The following CDH6 variants were observed in gnomAD, a reference collection of about 807,000 sequenced individuals.
The protein encoded by CDH6 is cadherin 6, also known as cadherin-6.
CDH6 carries 31 observed loss-of-function variants against 78.0 expected under a neutral mutation model. The ratio of observed to expected loss-of-function variants is 0.40; its 90% CI spans 0.30 to 0.54. CDH6 has a LOEUF of 0.54. Ranked by LOEUF, CDH6 falls within the 20% of genes least tolerant of loss-of-function variation. CDH6 has a pLI of 0.56. For synonymous variants in CDH6, 376 were observed against 368.8 expected (o/e 1.02, Z -0.23); for missense variants, 724 against 975.9 (o/e 0.74, Z 3.44).
intron 1 of CDH6, among the ~76,000 whole-genome samples, chr5:31,239,563 A>AT (rs1482477925): frequency 1.3e-5 from 2 of 152,372 alleles, no homozygotes; most frequent in African/African-American, 4.8e-5. Context: ...AGCATATGGA[A>AT]GTACCTATTT....
intron 1 of CDH6, among the ~76,000 whole-genome samples, chr5:31,213,140 T>C (rs1001268942): frequency 6.6e-6 from 1 of 152,138 alleles, no homozygotes; most frequent in Admixed American, 6.5e-5. Flanking sequence ...TCTGAAAACA[T>C]AGATGCAAGC....
At chr5:31,277,710 C>A (rs1368020496) in intron 2 of CDH6, among the ~76,000 whole-genome samples, 1 of 152,184 alleles carries the variant, frequency 6.6e-6, no homozygotes, top group Non-Finnish European at 1.5e-5. Context: ...CTGCAAGACC[C>A]TAGCCTACAT....
chr5:31,311,829 T>G (rs2149956960), intron 7 of CDH6, among the ~76,000 whole-genome samples: 1 of 152,280 alleles, frequency 6.6e-6, no homozygotes, highest in East Asian at 1.9e-4. Flanking sequence ...CGCCCCTCCT[T>G]TGACACATGG....
intron 2 of CDH6, among the ~76,000 whole-genome samples, chr5:31,293,021 G>A (rs1737454143): frequency 6.6e-6 from 1 of 151,768 alleles, no homozygotes; most frequent in Non-Finnish European, 1.5e-5. Context: ...TCTGGGAAAG[G>A]AAACATGGAC....
At position 31,313,308 on chromosome 5, in the gene CDH6, G is replaced by A; in HGVS notation, c.1254-10G>A. ...GAAAAGCCTTTCTTAATTCCACTCT[G>A]CATTTTCAGGTACTCTGTAGATCGA... On this transcript the variant is annotated splice_polypyrimidine_tract_variant and intron_variant, in intron 7 of 11. Transcript: ENST00000265071. The A allele has an allele frequency of 1.2e-6, 2 of 1,606,496 alleles. No homozygotes were observed. The highest frequency in any genetic ancestry group is 2.2e-5 in the East Asian group (1 of 44,748).
chr5:31,211,928 C>T (rs1579818361), intron 1 of CDH6, among the ~76,000 whole-genome samples: 1 of 152,046 alleles, frequency 6.6e-6, no homozygotes, highest in Non-Finnish European at 1.5e-5. Context: ...AATTAAGGAA[C>T]CATAACCATA....
At chr5:31,213,824 C>T (rs1383048748) in intron 1 of CDH6, among the ~76,000 whole-genome samples, 2 of 150,034 alleles carry the variant, frequency 1.3e-5, no homozygotes, top group African/African-American at 2.5e-5. Flanking sequence ...AGAAACCTCT[C>T]GCGTTCTCTG....
intron 1 of CDH6, among the ~76,000 whole-genome samples, chr5:31,221,830 T>G (rs1195699981): frequency 6.6e-6 from 1 of 152,220 alleles, no homozygotes; most frequent in Non-Finnish European, 1.5e-5. Flanking sequence ...AAACTTAAAA[T>G]TCCAATTTGG....
At chr5:31,320,709 G>C (rs1738457012) in intron 11 of CDH6, among the ~76,000 whole-genome samples, 1 of 152,150 alleles carries the variant, frequency 6.6e-6, no homozygotes, top group African/African-American at 2.4e-5. Flanking sequence ...TGGGCATGGT[G>C]GTTCACGCCT....
chr5:31,297,317 G>A lies in CDH6; in HGVS notation c.552G>A (p.Thr184=), dbSNP rs143211210. The change falls in exon 4 of 12, where the codon ACG becomes ACA. Residue 184 remains threonine (T), a synonymous_variant. Coordinates refer to ENST00000265071, the MANE Select transcript of CDH6 (RefSeq NM_004932.4). The part of the protein sequence containing the change: ...VGTFVVQVTA[T]DADDPTYGNS... ...CATTTGTTGTCCAAGTCACTGCGAC[G>A]GATGCAGATGATCCAACATATGGGA... 60 of 1,609,960 alleles carry A rather than the reference G, an allele frequency of 3.7e-5. No homozygotes were observed. The highest frequency in any genetic ancestry group is 1.0e-4 in the Admixed American group (6 of 59,962).
chr5:31,321,987 T>C (rs1738487629), intron 11 of CDH6, among the ~76,000 whole-genome samples: 1 of 152,216 alleles, frequency 6.6e-6, no homozygotes, highest in African/African-American at 2.4e-5. Context: ...GATCAGGAGC[T>C]ATTTAAACGC....
At chr5:31,240,126 T>C (rs1741559744) in intron 1 of CDH6, among the ~76,000 whole-genome samples, 1 of 152,174 alleles carries the variant, frequency 6.6e-6, no homozygotes, top group Non-Finnish European at 1.5e-5. Flanking sequence ...GGAATTCTGC[T>C]TTGTATATGA....
chr5:31,212,466 C>T (rs918079261), intron 1 of CDH6, among the ~76,000 whole-genome samples: 2 of 152,072 alleles, frequency 1.3e-5, no homozygotes, highest in South Asian at 2.1e-4. Flanking sequence ...TGGCTGAAAC[C>T]GTAATGTGCC....
chr5:31,215,988 G>GT (rs532516529), intron 1 of CDH6, among the ~76,000 whole-genome samples: 344 of 151,778 alleles, frequency 2.3e-3, no homozygotes, highest in African/African-American at 7.6e-3. Flanking sequence ...AGGCCCTTTG[G>GT]TTTTTTTTCA....
At chr5:31,297,178 TTCCTCAGCATGATATTTC>T (rs1262900454) in intron 3 of CDH6, 93 bp from the exon 4 acceptor site, 5 of 915,570 alleles carry the variant, frequency 5.5e-6, no homozygotes, top group Non-Finnish European at 8.8e-6. Context: ...AGTTCTCGAC[TTCCTCAGCATGATATTTC>T]CATACAAAAT....
chr5:31,269,939 T>A (rs1441335192), intron 2 of CDH6, among the ~76,000 whole-genome samples: 1 of 152,174 alleles, frequency 6.6e-6, no homozygotes, highest in Non-Finnish European at 1.5e-5. Context: ...CATGGCTGTA[T>A]CAGACACGCG....
At chr5:31,231,143 AGAG>A (rs1446387727) in intron 1 of CDH6, among the ~76,000 whole-genome samples, 2 of 152,192 alleles carry the variant, frequency 1.3e-5, no homozygotes, top group Non-Finnish European at 2.9e-5. Flanking sequence ...ATAATGATTT[AGAG>A]GCCAAATGTT....
chr5:31,239,680 T>C lies in CDH6; in HGVS notation c.-128-27666T>C, dbSNP rs182567330. ...GCCAGCAGTGCTTCTCTTATCCTCA[T>C]AGGCAGTTTAAAGGGGGCGCATGTG... On this transcript the variant is annotated intron_variant, in intron 1 of 11. Transcript: ENST00000265071. Among the ~76,000 whole-genome samples, 265 of 152,282 alleles carry C rather than the reference T, an allele frequency of 1.7e-3. 1 individual carries two copies. The highest frequency in any genetic ancestry group is 0.01 in the Middle Eastern group (3 of 294).
chr5:31,263,238 C>A (rs1470308669), intron 1 of CDH6, among the ~76,000 whole-genome samples: 1 of 150,332 alleles, frequency 6.7e-6, no homozygotes, highest in African/African-American at 2.4e-5. Flanking sequence ...AGCATGCTAA[C>A]ATGTGATTCA....
Sources: gnomAD v4.1 joint callset for allele counts (sites outside exome capture counted in the v4.1 genomes callset) on GRCh38, gnomAD v4.1.1 for gene constraint, MANE v1.5 for transcripts, NCBI Gene and HGNC (gene_info 2026-07-23, HGNC 2026-07-21) for gene names.